The following RHCE variants were observed in gnomAD, a reference collection of about 807,000 sequenced individuals.
RHCE encodes blood group Rh(CE) polypeptide.
In RHCE, 22 loss-of-function variants were observed where a neutral mutation model predicts 43.8. The ratio of observed to expected loss-of-function variants is 0.50; its 90% CI spans 0.36 to 0.72. RHCE has a LOEUF of 0.72. Ranked by LOEUF, RHCE falls within the 30% of genes least tolerant of loss-of-function variation. The probability of loss-of-function intolerance (pLI) is 0.00; values close to 1 mark genes in which losing one functional copy is unlikely to be tolerated. For missense variants in RHCE, 385 were observed against 525.4 expected (o/e 0.73, Z 2.61); for synonymous variants, 156 against 210.7 (o/e 0.74, Z 2.25).
chr1:25,428,163 T>C (rs143765689), intron 2 of RHCE, among the ~76,000 whole-genome samples: 107 of 152,348 alleles, frequency 7.0e-4, no homozygotes, highest in African/African-American at 2.5e-3. Flanking sequence ...AGCTGGCATG[T>C]GTCCCCAGTG....
intron 7 of RHCE, among the ~76,000 whole-genome samples, chr1:25,378,842 AC>A (rs756114770): frequency 5.3e-5 from 8 of 152,188 alleles, no homozygotes; most frequent in African/African-American, 1.2e-4. Context: ...TTCCAATAAT[AC>A]TGGAAGAAAA....
intron 3 of RHCE, among the ~76,000 whole-genome samples, chr1:25,392,562 C>CT (rs1211993147): frequency 0.4 from 26,801 of 66,410 alleles, 7,818 homozygotes; most frequent in Non-Finnish European, 0.53. Context: ...TGCCCGGCCT[C>CT]TTTTTTTTTT....
In RHCE at chr1:25,408,587, A is replaced by C. The variant is rs1312908367; in HGVS notation, c.335+96T>G. 2 of 865,620 alleles carry C rather than the reference A, an allele frequency of 2.3e-6. 1 individual carries two copies. Among genetic ancestry groups the C allele is most frequent in the Admixed American group, 5.4e-5 (2 of 36,830 alleles). The allele number at this position is 865,620 out of a possible 1,614,324, so 53.6% of individuals were successfully genotyped here. ...AAATATTGCACAGCACTGGTGCTAG[A>C]CAGAGAGGGGGCAATATCCCAGATC... On this transcript the variant is annotated intron_variant, in intron 2 of 9. Transcript: ENST00000294413.
intron 3 of RHCE, among the ~76,000 whole-genome samples, 174 bp from the exon 4 acceptor site, chr1:25,392,315 G>A (rs1646397749): frequency 6.6e-6 from 1 of 152,210 alleles, no homozygotes; most frequent in Non-Finnish European, 1.5e-5. Context: ...AGGCTGGAGT[G>A]CAATGGCACG....
intron 3 of RHCE, among the ~76,000 whole-genome samples, chr1:25,392,507 C>T (rs1290266108): frequency 4.0e-5 from 6 of 151,724 alleles, no homozygotes; most frequent in Non-Finnish European, 7.4e-5. Context: ...GCGATCCACC[C>T]GCCTCGGCCT....
At position 25,382,298 on chromosome 1, in the gene RHCE, C is replaced by G. The variant is rs554345312; in HGVS notation, c.1073+3413G>C. On this transcript the variant is annotated intron_variant, in intron 7 of 9. Transcript: ENST00000294413. ...AATGTACAAAAACAGACAAAACTGACTGATGCTGTTAGAAGTCAGGTTAGT... is the reference window on the plus strand; with the variant it reads ...AATGTACAAAAACAGACAAAACTGAGTGATGCTGTTAGAAGTCAGGTTAGT... Among the ~76,000 whole-genome samples, 122 of 149,532 alleles carry G rather than the reference C, an allele frequency of 8.2e-4. 5 individuals are homozygous for G. The South Asian group carries it at 0.025, about 31-fold the overall frequency.
chr1:25,378,280 A>G (rs1645848779), intron 7 of RHCE, among the ~76,000 whole-genome samples: 1 of 152,222 alleles, frequency 6.6e-6, no homozygotes, highest in Admixed American at 6.5e-5. Context: ...GACTGTGTGA[A>G]TACTGTATAA....
intron 7 of RHCE, among the ~76,000 whole-genome samples, chr1:25,380,789 G>C (rs1436607509): frequency 2.0e-5 from 3 of 151,854 alleles, no homozygotes; most frequent in African/African-American, 7.3e-5. Context: ...CTCTGGGCCA[G>C]TAATGGGAGG....
At chr1:25,415,623 C>T (rs1647347871) in intron 1 of RHCE, among the ~76,000 whole-genome samples, 1 of 152,056 alleles carries the variant, frequency 6.6e-6, no homozygotes, top group South Asian at 2.1e-4. Context: ...CTGCACTCCC[C>T]TGGGCAATAA....
At chr1:25,408,908 G>A (rs1210364221) in intron 1 of RHCE, 39 bp from the exon 2 acceptor site, 1 of 1,235,500 alleles carries the variant, frequency 8.1e-7, no homozygotes, top group Non-Finnish European at 1.1e-6. Context: ...GGAGGGGGAA[G>A]CAGACGAGAT....
intron 7 of RHCE, among the ~76,000 whole-genome samples, chr1:25,378,287 A>G (rs919439295): frequency 2.6e-4 from 39 of 152,364 alleles, no homozygotes; most frequent in Middle Eastern, 3.4e-3. Flanking sequence ...TGAATACTGT[A>G]TAACTCAACA....
intron 9 of RHCE, 97 bp downstream of exon 9, chr1:25,370,370 T>C (rs1003701589): frequency 9.4e-7 from 1 of 1,058,878 alleles, no homozygotes. Flanking sequence ...TTTTTGTTTT[T>C]GTTTTACTCA....
At position 25,370,748 on chromosome 1, in the gene RHCE, A is replaced by AT. The variant is rs1241501612; in HGVS notation, c.1154-209dup. Among the ~76,000 whole-genome samples, 3 of 149,146 alleles carry AT rather than the reference A, an allele frequency of 2.0e-5. 1 individual carries two copies. The highest frequency in any genetic ancestry group is 2.0e-4 in the Admixed American group (3 of 14,974). ...ATTTTATTTTATTTTATTTTATTTT[A>AT]TTTTATTTTATTTATTTTGAGACAG... On this transcript the variant is annotated intron_variant, in intron 8 of 9. Transcript: ENST00000294413.
intron 3 of RHCE, among the ~76,000 whole-genome samples, chr1:25,401,946 A>G (rs984290833): frequency 2.0e-5 from 3 of 151,824 alleles, no homozygotes; most frequent in East Asian, 1.9e-4. Context: ...GCGCGATCTC[A>G]GTTCACTGCA....
chr1:25,402,054 T>G (rs1339011046), intron 3 of RHCE, among the ~76,000 whole-genome samples: 1 of 151,712 alleles, frequency 6.6e-6, no homozygotes, highest in African/African-American at 2.4e-5. Context: ...ATTTTGTATT[T>G]TTAGTAGAGA....
intron 3 of RHCE, among the ~76,000 whole-genome samples, chr1:25,400,986 C>A (rs559822811): frequency 9.2e-5 from 14 of 152,282 alleles, no homozygotes; most frequent in African/African-American, 3.1e-4. Context: ...GGATGATGGC[C>A]ATCACTGCTG....
chr1:25,378,602 T>C (rs549907136), intron 7 of RHCE, among the ~76,000 whole-genome samples: 8 of 152,188 alleles, frequency 5.3e-5, no homozygotes, highest in Non-Finnish European at 1.0e-4. Flanking sequence ...CATGGGAAAC[T>C]CATATTATAA....
At chr1:25,394,964 C>G (rs1187312460) in intron 3 of RHCE, among the ~76,000 whole-genome samples, 1 of 149,674 alleles carries the variant, frequency 6.7e-6, no homozygotes, top group Non-Finnish European at 1.5e-5. Flanking sequence ...AAAATGAATA[C>G]TGAAAATCAG....
At chr1:25,402,185 T>G (rs984252839) in intron 3 of RHCE, among the ~76,000 whole-genome samples, 1 of 127,662 alleles carries the variant, frequency 7.8e-6, no homozygotes, top group Non-Finnish European at 1.8e-5. Context: ...CCTGTCTGTC[T>G]GTCTGTCTGT....
Sources: allele counts gnomAD v4.1 joint callset (sites outside exome capture counted in the v4.1 genomes callset), GRCh38; gene constraint gnomAD v4.1.1; transcripts MANE v1.5; gene names NCBI Gene and HGNC (gene_info 2026-07-23, HGNC 2026-07-21).